The following ELF3 variants were observed in gnomAD, a reference collection of about 807,000 sequenced individuals.
ELF3 encodes the protein ETS-related transcription factor Elf-3.
Under a neutral mutation model 43.9 loss-of-function variants are expected in ELF3, and 18 were observed. The observed-to-expected ratio is 0.41, with a 90% CI of 0.28 to 0.61. The LOEUF is 0.61. Among genes scored for constraint, ELF3 ranks in the 20% least tolerant of loss-of-function variants. The probability of loss-of-function intolerance (pLI) is 0.30; values close to 1 mark genes in which losing one functional copy is unlikely to be tolerated. For missense variants in ELF3, 373 were observed against 487.7 expected (o/e 0.76, Z 2.21); for synonymous variants, 181 against 190.2 (o/e 0.95, Z 0.40).
intron 2 of ELF3, 157 bp downstream of exon 2, chr1:202,011,456 G>A (rs1473870844): frequency 7.7e-6 from 7 of 904,854 alleles, no homozygotes. Context: ...GGGTTGTGGG[G>A]CTGTGACAGG....
intron 8 of ELF3, 26 bp downstream of exon 8, chr1:202,014,050 G>C (rs757796409): frequency 5.7e-6 from 9 of 1,586,974 alleles, no homozygotes; most frequent in Non-Finnish European, 7.7e-6. Context: ...GGACCCTCAC[G>C]ATACAGCCGG....
rs1684244178 is a variant in ELF3 at position 202,013,104 on chromosome 1, C to A, written c.688+68C>A. On this transcript the variant is annotated intron_variant, in intron 6 of 8. Transcript: ENST00000367284. This position sits in a 1 kb window ranked among gnomAD's most constrained non-coding sequence, Gnocchi z 5.7. ...TGCACAGGGGGCCCGGCTCTTCCTG[C>A]AGCCTTTTCCTGTAGAGGGGCTACT... The A allele has an allele frequency of 1.2e-6, 2 of 1,600,524 alleles. No homozygotes were observed. Among genetic ancestry groups the A allele is most frequent in the Non-Finnish European group, 1.7e-6 (2 of 1,172,606 alleles).
chr1:202,015,083 C>A, intron 8 of ELF3, 126 bp from the exon 9 acceptor site: 1 of 829,078 alleles, frequency 1.2e-6, no homozygotes, highest in Non-Finnish European at 2.0e-6. Context: ...GAGTCAGGCT[C>A]AGCTTAGTCA....
intron 8 of ELF3, among the ~76,000 whole-genome samples, chr1:202,014,563 G>A (rs1446697291): frequency 1.3e-5 from 2 of 151,944 alleles, no homozygotes; most frequent in East Asian, 3.9e-4. Context: ...AAAGTGCTGG[G>A]ATTACAGGTG....
At chr1:202,014,287 C>G (rs141910950) in intron 8 of ELF3, among the ~76,000 whole-genome samples, 1 of 152,210 alleles carries the variant, frequency 6.6e-6, no homozygotes, top group Non-Finnish European at 1.5e-5. Context: ...CAGGAAGGCA[C>G]CTGGAGAGTG....
intron 8 of ELF3, chr1:202,014,937 G>T: frequency 2.6e-6 from 1 of 385,184 alleles, no homozygotes; most frequent in Non-Finnish European, 4.9e-6. Flanking sequence ...GTAATTTAAT[G>T]ATCAGACCCC....
Position 202,015,433 on chromosome 1 carries a change from G to C in ELF3, c.*110G>C. 9.7e-7 allele frequency: 1 copy of C among 1,032,094 alleles called. No homozygotes were observed. The highest frequency in any genetic ancestry group is 2.1e-5 in the Admixed American group (1 of 47,268). 63.9% of individuals were successfully genotyped at this position (1,032,094 alleles called of 1,614,324 possible). On this transcript the variant is annotated 3_prime_UTR_variant, in exon 9 of 9. Transcript: ENST00000367284. The stretch of plus-strand genomic sequence containing the variant: ...CCTCCACTGGGGAATGCTCCCAGCT[G>C]TGCTGTGGAGAGAAGCTGATGTTTT...
Position 202,015,493 on chromosome 1 carries a change from A to G in ELF3, c.*170A>G. The G allele has an allele frequency of 1.5e-6, 1 of 659,814 alleles. No homozygotes were observed. The highest frequency in any genetic ancestry group is 2.6e-6 in the Non-Finnish European group (1 of 389,216). The allele number at this position is 659,814 out of a possible 1,614,324, so 40.9% of individuals were successfully genotyped here. A position where few individuals can be genotyped will look rare whatever the true frequency, so the allele number is the denominator to read the frequency against. On this transcript the variant is annotated 3_prime_UTR_variant, in exon 9 of 9. Coordinates refer to ENST00000367284, the MANE Select transcript of ELF3 (RefSeq NM_004433.5). ...TCAGCCATCGTCCTGGGACTCGGAG[A>G]CTATGGCCTCGCCTCCCCACCCTCC...
At position 202,012,684 on chromosome 1, in the gene ELF3, C is replaced by T. The variant is rs1196877377; in HGVS notation, c.523C>T (p.Gln175Ter). 1 of 1,609,048 alleles carries T rather than the reference C, an allele frequency of 6.2e-7. No homozygotes were observed. Among genetic ancestry groups the T allele is most frequent in the Non-Finnish European group, 8.5e-7 (1 of 1,177,806 alleles). Reference sequence around the variant, plus strand: ...CCAGGAGCTGCTGGACGACGGTCAGCAAGCCAGCCCCTACCACCCCGGCAG... The same window carrying T: ...CCAGGAGCTGCTGGACGACGGTCAGTAAGCCAGCCCCTACCACCCCGGCAG... Reference protein sequence around the residue: ...FAQELLDDGQQASPYHPGSCG... With the variant: ...FAQELLDDGQ Residue 175 changes from glutamine (Q) to a stop codon, truncating the protein, a stop_gained, in exon 5 of 9, where the codon CAA (glutamine) becomes TAA (stop). Transcript: ENST00000367284. LOFTEE classifies it high-confidence loss of function. The surrounding 1 kb of genome is among the most constrained non-coding windows in gnomAD (Gnocchi z 4.2).
chr1:202,011,909 C>A, intron 2 of ELF3, 48 bp from the exon 3 acceptor site: 1 of 1,547,516 alleles, frequency 6.5e-7, no homozygotes, highest in Non-Finnish European at 8.9e-7. Context: ...GCTGTAAGGT[C>A]TGCTGGGTGG....
chr1:202,012,854 C>G lies in ELF3; in HGVS notation c.599-93C>G, dbSNP rs1322386644. ...CATAACTCAGGCCTTCTGGCAGGAA[C>G]AGGAACAGGCTGGGAAGTGTGTCCT... On this transcript the variant is annotated intron_variant, in intron 5 of 8. Coordinates refer to ENST00000367284, the MANE Select transcript of ELF3 (RefSeq NM_004433.5). This position sits in a 1 kb window ranked among gnomAD's most constrained non-coding sequence, Gnocchi z 4.2. The G allele has an allele frequency of 5.6e-5, 86 of 1,544,646 alleles. No homozygotes were observed. The South Asian group carries it at 8.7e-4, about 16-fold the overall frequency.
Position 202,012,810 on chromosome 1 carries a change from TC to T in ELF3, c.598+54del. ...CTCCCTTCCCCGAAGTGTCCCTTGT[TC>T]CCTCTGGCTCCCAGCACCATAACTC... On this transcript the variant is annotated intron_variant, in intron 5 of 8. Coordinates refer to ENST00000367284, the MANE Select transcript of ELF3 (RefSeq NM_004433.5). This position sits in a 1 kb window ranked among gnomAD's most constrained non-coding sequence, Gnocchi z 4.2. The T allele has an allele frequency of 6.5e-7, 1 of 1,536,398 alleles. No homozygotes were observed. The highest frequency in any genetic ancestry group is 1.4e-5 in the African/African-American group (1 of 72,840).
Position 202,015,453 on chromosome 1 carries a change from T to A in ELF3, c.*130T>A, listed in dbSNP as rs777699470. The stretch of plus-strand genomic sequence containing the variant: ...CAGCTGTGCTGTGGAGAGAAGCTGA[T>A]GTTTTGGTGTATTGTCAGCCATCGT... On this transcript the variant is annotated 3_prime_UTR_variant, in exon 9 of 9. Transcript: ENST00000367284. 4 of 874,470 alleles carry A rather than the reference T, an allele frequency of 4.6e-6. No homozygotes were observed. Among genetic ancestry groups the A allele is most frequent in the Non-Finnish European group, 7.1e-6 (4 of 563,838 alleles). 54.2% of individuals were successfully genotyped at this position (874,470 alleles called of 1,614,324 possible).
rs866348317 is a variant in ELF3, at chr1:202,011,449, T to C, written c.163+150T>C. 1.5e-5 allele frequency: 15 copies of C among 1,022,038 alleles called. No homozygotes were observed. The Middle Eastern group carries it at 9.8e-4, about 67-fold the overall frequency. The allele number at this position is 1,022,038 out of a possible 1,614,324, so 63.3% of individuals were successfully genotyped here. ...GACTTAGTGACTGAGGTGCTGGGGG[T>C]TGTGGGGCTGTGACAGGCAGAGGGA... On this transcript the variant is annotated intron_variant, in intron 2 of 8. Coordinates refer to ENST00000367284, the MANE Select transcript of ELF3 (RefSeq NM_004433.5).
In ELF3 at chr1:202,015,737, T is replaced by C. The variant is rs1361938796; in HGVS notation, c.*414T>C. ...GGGCTCCAGCACCTTCTTTCTGGAC[T>C]GGCGTTCACCTCCCTGCTCAGTGCT... On this transcript the variant is annotated 3_prime_UTR_variant, in exon 9 of 9. Transcript: ENST00000367284. 1 of 193,388 alleles carries C rather than the reference T, an allele frequency of 5.2e-6. No homozygotes were observed. The highest frequency in any genetic ancestry group is 1.1e-4 in the East Asian group (1 of 8,832). 12.0% of individuals were successfully genotyped at this position (193,388 alleles called of 1,614,324 possible). A position where few individuals can be genotyped will look rare whatever the true frequency, so the allele number is the denominator to read the frequency against.
intron 2 of ELF3, 71 bp from the exon 3 acceptor site, chr1:202,011,877 CAAAAAAAAA>C: frequency 8.2e-7 from 1 of 1,226,666 alleles, no homozygotes; most frequent in Non-Finnish European, 1.1e-6. Context: ...GACTCCATCT[CAAAAAAAAA>C]AAAAAAAATG....
chr1:202,015,038 T>C, intron 8 of ELF3, 171 bp from the exon 9 acceptor site: 1 of 598,582 alleles, frequency 1.7e-6, no homozygotes, highest in Non-Finnish European at 3.0e-6. Context: ...AGCTTCTGCT[T>C]GCCAGTGTGA....
Position 202,013,335 on chromosome 1 carries a change from G to C in ELF3, c.805+37G>C. The C allele has an allele frequency of 6.3e-7, 1 of 1,594,976 alleles. No individual in the cohort carries two copies. The highest frequency in any genetic ancestry group is 8.6e-7 in the Non-Finnish European group (1 of 1,165,940). On this transcript the variant is annotated intron_variant, in intron 7 of 8. Coordinates refer to ENST00000367284, the MANE Select transcript of ELF3 (RefSeq NM_004433.5). The surrounding 1 kb of genome is among the most constrained non-coding windows in gnomAD (Gnocchi z 5.7). ...GGGCACGTGGGTCCTCCCTGCGCCG[G>C]GCTGAGCGGCTTCCTGGGGCACTGC...
Position 202,012,901 on chromosome 1 carries a change from G to C in ELF3, c.599-46G>C, listed in dbSNP as rs2819363. On this transcript the variant is annotated intron_variant, in intron 5 of 8. Transcript: ENST00000367284. This position sits in a 1 kb window ranked among gnomAD's most constrained non-coding sequence, Gnocchi z 4.2. Reference sequence around the variant, plus strand: ...TCCTGAGAGCCAGCAGCGTGGTTGAGCAGAGGGTGGGCCGGCAGGGGACTT... The same window carrying C: ...TCCTGAGAGCCAGCAGCGTGGTTGACCAGAGGGTGGGCCGGCAGGGGACTT... 1 of 1,579,218 alleles carries C rather than the reference G, an allele frequency of 6.3e-7. No individual in the cohort carries two copies. The highest frequency in any genetic ancestry group is 8.6e-7 in the Non-Finnish European group (1 of 1,164,352).
Sources: gnomAD v4.1 joint callset for allele counts (sites outside exome capture counted in the v4.1 genomes callset) on GRCh38, gnomAD v4.1.1 for gene constraint, Gnocchi (gnomAD v3.1) non-coding constraint, MANE v1.5 for transcripts, NCBI Gene and HGNC (gene_info 2026-07-23, HGNC 2026-07-21) for gene names.